The following CNTNAP2 variants were observed in gnomAD, a reference collection of about 807,000 sequenced individuals.
CNTNAP2 encodes contactin-associated protein-like 2.
A neutral mutation model predicts 155.2 loss-of-function variants in CNTNAP2; 98 were observed. That is an observed-to-expected ratio of 0.63 (90% CI 0.54 to 0.75). CNTNAP2 has a LOEUF of 0.75. CNTNAP2 is among the 30% of genes least tolerant of loss of function. The pLI is 0.00. For missense variants in CNTNAP2, 1,727 were observed against 1,688.1 expected (o/e 1.02, Z -0.40); for synonymous variants, 651 against 631.2 (o/e 1.03, Z -0.47).
At chr7:146,571,755 G>C (rs1326555488) in intron 1 of CNTNAP2, among the ~76,000 whole-genome samples, 2 of 142,564 alleles carry the variant, frequency 1.4e-5, no homozygotes, top group African/African-American at 2.6e-5. Flanking sequence ...TTTTTGAGAC[G>C]CAGTCTCAAT....
chr7:146,534,409 A>G (rs1797815478), intron 1 of CNTNAP2, among the ~76,000 whole-genome samples: 2 of 152,138 alleles, frequency 1.3e-5, no homozygotes, highest in Non-Finnish European at 2.9e-5. Context: ...TAACAGTGAT[A>G]CAATATGAGT....
At chr7:147,012,116 T>C (rs1274244912) in intron 3 of CNTNAP2, among the ~76,000 whole-genome samples, 3 of 152,186 alleles carry the variant, frequency 2.0e-5, no homozygotes, top group Non-Finnish European at 4.4e-5. Context: ...AATCTGTATT[T>C]TGTTATAGGA....
At chr7:148,230,690 T>A (rs1297035301) in intron 20 of CNTNAP2, among the ~76,000 whole-genome samples, 1 of 152,228 alleles carries the variant, frequency 6.6e-6, no homozygotes, top group African/African-American at 2.4e-5. Context: ...TAACTTGATA[T>A]GGAGTTTGCG....
intron 13 of CNTNAP2, among the ~76,000 whole-genome samples, chr7:147,894,706 TA>T (rs1799747938): frequency 6.6e-6 from 1 of 152,020 alleles, no homozygotes; most frequent in Admixed American, 6.6e-5. Flanking sequence ...TGAAAGAAAT[TA>T]AATGTCCCAG....
intron 18 of CNTNAP2, among the ~76,000 whole-genome samples, chr7:148,186,915 G>A (rs1480365863): frequency 6.6e-6 from 1 of 152,104 alleles, no homozygotes; most frequent in East Asian, 1.9e-4. Context: ...GGCCTTGCTT[G>A]TTGTCCAATG....
intron 20 of CNTNAP2, among the ~76,000 whole-genome samples, chr7:148,252,635 A>T (rs1482541242): frequency 1.3e-5 from 2 of 152,160 alleles, no homozygotes; most frequent in Admixed American, 1.3e-4. Context: ...CAAGTCATAG[A>T]GTAGATATTC....
chr7:147,569,753 A>G (rs1480996820), intron 12 of CNTNAP2, among the ~76,000 whole-genome samples: 2 of 152,138 alleles, frequency 1.3e-5, no homozygotes, highest in African/African-American at 2.4e-5. Context: ...TGACTGTACT[A>G]TTTTCCTTAG....
intron 9 of CNTNAP2, among the ~76,000 whole-genome samples, chr7:147,315,013 AGCAGTGG>A (rs1795199871): frequency 6.7e-6 from 1 of 150,116 alleles, no homozygotes; most frequent in Admixed American, 6.6e-5. Context: ...TGATTCGAAG[AGCAGTGG>A]GCAGAGATTT....
intron 1 of CNTNAP2, among the ~76,000 whole-genome samples, chr7:146,579,951 G>A (rs1309569007): frequency 1.3e-5 from 2 of 151,924 alleles, no homozygotes; most frequent in Non-Finnish European, 2.9e-5. Context: ...CTTGCTGCTT[G>A]TAGAAGCTCA....
At position 147,952,965 on chromosome 7, in the gene CNTNAP2, A is replaced by G. The variant is rs192822122; in HGVS notation, c.2256-24897A>G. On this transcript the variant is annotated intron_variant, in intron 14 of 23. Coordinates refer to ENST00000361727, the MANE Select transcript of CNTNAP2 (RefSeq NM_014141.6). ...CCTGAGAAACGTAGAGATTTAGGGA[A>G]TATTCCCAAGGTCACGTAGTATGTG... is the stretch of plus-strand genomic sequence containing the variant. Among the ~76,000 whole-genome samples, 8 of 152,298 alleles carry G rather than the reference A, an allele frequency of 5.3e-5. No homozygotes were observed. In the East Asian group the frequency reaches 9.7e-4, roughly 18 times the overall value.
intron 13 of CNTNAP2, among the ~76,000 whole-genome samples, chr7:147,842,549 T>C (rs1428791122): frequency 6.7e-6 from 1 of 149,540 alleles, no homozygotes; most frequent in African/African-American, 2.4e-5. Flanking sequence ...AATATTTCAG[T>C]TGCATTTCTT....
intron 1 of CNTNAP2, among the ~76,000 whole-genome samples, chr7:146,601,403 T>A (rs1798947401): frequency 1.3e-5 from 2 of 152,080 alleles, no homozygotes; most frequent in African/African-American, 2.4e-5. Flanking sequence ...CAGGGAGAAC[T>A]TGGAAATGTG....
intron 1 of CNTNAP2, among the ~76,000 whole-genome samples, chr7:146,138,424 T>TG (rs765345729): frequency 6.6e-6 from 1 of 152,158 alleles, no homozygotes; most frequent in African/African-American, 2.4e-5. Flanking sequence ...TATGTTACTA[T>TG]GTAGATTTCC....
chr7:146,660,753 TA>T (rs1462168636), intron 1 of CNTNAP2, among the ~76,000 whole-genome samples: 2 of 152,232 alleles, frequency 1.3e-5, no homozygotes, highest in Admixed American at 6.5e-5. Context: ...AAGGGCTTCT[TA>T]AAACAAATGT....
chr7:146,230,881 G>T (rs543572281), intron 1 of CNTNAP2, among the ~76,000 whole-genome samples: 95 of 152,226 alleles, frequency 6.2e-4, no homozygotes, highest in African/African-American at 2.0e-3. Flanking sequence ...CAACCATGGT[G>T]GCAGGTGCCT....
intron 8 of CNTNAP2, among the ~76,000 whole-genome samples, chr7:147,145,829 C>T (rs1460213745): frequency 1.3e-5 from 2 of 152,128 alleles, no homozygotes; most frequent in Non-Finnish European, 2.9e-5. Context: ...GTTGTCAATT[C>T]CTCTTGGGTA....
At chr7:147,479,533 A>G (rs890579462) in intron 10 of CNTNAP2, among the ~76,000 whole-genome samples, 27 of 152,326 alleles carry the variant, frequency 1.8e-4, no homozygotes, top group African/African-American at 5.8e-4. Context: ...TGGGCCAGCA[A>G]TCTTTCAAAA....
At chr7:146,349,611 T>TGTTC in intron 1 of CNTNAP2, among the ~76,000 whole-genome samples, 1 of 152,302 alleles carries the variant, frequency 6.6e-6, no homozygotes, top group Non-Finnish European at 1.5e-5. Context: ...TGGTACTGGT[T>TGTTC]GTTCCTTTCT....
intron 13 of CNTNAP2, among the ~76,000 whole-genome samples, chr7:147,842,755 AC>A: frequency 1.4e-5 from 1 of 72,332 alleles, no homozygotes; most frequent in Non-Finnish European, 2.7e-5. Context: ...CCCCGACCCC[AC>A]CACAGTCCCC....
Sources: gnomAD v4.1 joint callset for allele counts (sites outside exome capture counted in the v4.1 genomes callset) on GRCh38, gnomAD v4.1.1 for gene constraint, MANE v1.5 for transcripts, NCBI Gene and HGNC (gene_info 2026-07-23, HGNC 2026-07-21) for gene names.